Variants in RASL11A observed in about 807,000 individuals in gnomAD.
The protein encoded by RASL11A is RAS like family 11 member A.
RASL11A carries 14 observed loss-of-function variants against 17.1 expected under a neutral mutation model. The ratio of observed to expected loss-of-function variants is 0.82; its 90% CI spans 0.54 to 1.28. The LOEUF (loss-of-function observed/expected upper bound fraction) is 1.28, where lower values mean the gene tolerates loss of function less well. RASL11A is among the 50% of genes most tolerant of loss of function. RASL11A has a pLI of 0.00. For missense variants in RASL11A, 283 were observed against 312.3 expected (o/e 0.91, Z 0.71); for synonymous variants, 146 against 132.5 (o/e 1.10, Z -0.70).
chr13:27,273,566 T>C lies in RASL11A; in HGVS notation c.*72T>C. On this transcript the variant is annotated 3_prime_UTR_variant, in exon 4 of 4. Transcript: ENST00000241463. ...CTAAAAGACTGGGCTTCTCGCTTTT[T>C]AATCACACATTCAGAGTTTATTTTT... 1 of 1,127,416 alleles carries C rather than the reference T, an allele frequency of 8.9e-7. No homozygotes were observed. The highest frequency in any genetic ancestry group is 1.3e-6 in the Non-Finnish European group (1 of 787,642). The allele number at this position is 1,127,416 out of a possible 1,614,324, so 69.8% of individuals were successfully genotyped here.
rs781051894 is a variant in RASL11A, at chr13:27,273,364, A to G, written c.599A>G (p.His200Arg). The G allele has an allele frequency of 6.8e-6, 11 of 1,614,126 alleles. No homozygotes were observed. The East Asian group carries it at 2.4e-4, about 36-fold the overall frequency. The part of the protein sequence containing the change: ...QHLCKEVSKM[H>R]GLSGERRRAS... ...CTCTGCAAAGAAGTGAGCAAGATGCACGGCCTCAGTGGGGAAAGAAGAAGA... is the reference window on the plus strand; with the variant it reads ...CTCTGCAAAGAAGTGAGCAAGATGCGCGGCCTCAGTGGGGAAAGAAGAAGA... Residue 200 changes from histidine to arginine, a missense_variant, in exon 4 of 4, where the codon CAC (histidine) becomes CGC (arginine). Coordinates refer to ENST00000241463, the MANE Select transcript of RASL11A (RefSeq NM_206827.2).
At chr13:27,271,365 C>G in intron 1 of RASL11A, 119 bp from the exon 2 acceptor site, 2 of 1,546,230 alleles carry the variant, frequency 1.3e-6, no homozygotes, top group Non-Finnish European at 1.8e-6. Flanking sequence ...TTTGCGGAGC[C>G]TCTGGAAGCG....
chr13:27,273,135 A>G lies in RASL11A; in HGVS notation c.370A>G (p.Ile124Val), dbSNP rs201189276. 1.2e-5 allele frequency: 20 copies of G among 1,614,194 alleles called. No homozygotes were observed. The African/African-American group carries it at 2.3e-4, about 18-fold the overall frequency. ...SITDYDSYLS[I>V]RPLYQHIRKV... is the part of the protein sequence containing the mutation. ...CACAGACTATGACAGCTACTTGTCC[A>G]TCCGACCCCTTTATCAGCACATCCG... The change falls in exon 4 of 4, where the codon ATC becomes GTC. Residue 124 changes from isoleucine (I) to valine (V), a missense_variant. Physicochemically the swap from Ile to Val is conservative, Grantham distance 29. Transcript: ENST00000241463.
intron 2 of RASL11A, 37 bp from the exon 3 acceptor site, chr13:27,271,602 T>C (rs377649372): frequency 1.1e-5 from 17 of 1,613,696 alleles, no homozygotes; most frequent in Non-Finnish European, 1.4e-5. Context: ...GGATGGGAGT[T>C]TGAGAATTAA....
Position 27,275,135 on chromosome 13 carries a change from T to G in RASL11A, c.*1641T>G, listed in dbSNP as rs1882449653. Among the ~76,000 whole-genome samples, 1 of 152,224 alleles carries G rather than the reference T, an allele frequency of 6.6e-6. No individual in the cohort carries two copies. Among genetic ancestry groups the G allele is most frequent in the African/African-American group, 2.4e-5 (1 of 41,472 alleles). ...ATGAAGGGTTAAGAAAATTAGATGA[T>G]GCATGTCTAAAAGAGTGTCCAAATA... On this transcript the variant is annotated 3_prime_UTR_variant, in exon 4 of 4. Coordinates refer to ENST00000241463, the MANE Select transcript of RASL11A (RefSeq NM_206827.2).
intron 3 of RASL11A, among the ~76,000 whole-genome samples, chr13:27,272,658 AATAG>A (rs143920277): frequency 0.015 from 2,361 of 152,350 alleles, 63 homozygotes; most frequent in African/African-American, 0.053. Context: ...TGAGTTTGGG[AATAG>A]ATATTTATCT....
rs1457983179 is a variant in RASL11A, at chr13:27,274,967, T to C, written c.*1473T>C. The stretch of plus-strand genomic sequence containing the variant: ...GACAGGTGTTCTGAGTAATTAAAGA[T>C]AGCTGTGGTGGAAAGGGACTGACAT... On this transcript the variant is annotated 3_prime_UTR_variant, in exon 4 of 4. Transcript: ENST00000241463. Among the ~76,000 whole-genome samples the C allele has an allele frequency of 6.6e-6, 1 of 152,208 alleles. No individual in the cohort carries two copies. The highest frequency in any genetic ancestry group is 1.5e-5 in the Non-Finnish European group (1 of 68,032).
rs140104122 is a variant in RASL11A, at chr13:27,274,804, C to G, written c.*1310C>G. 1.5e-3 allele frequency among the ~76,000 whole-genome samples: 225 copies of G among 152,342 alleles called. 1 individual carries two copies. Among genetic ancestry groups the G allele is most frequent in the African/African-American group, 5.2e-3 (217 of 41,578 alleles). On this transcript the variant is annotated 3_prime_UTR_variant, in exon 4 of 4. Transcript: ENST00000241463. ...TTTTATGATCCTGTCTTCCAATCTTCTAGTTCAGTGCTTCCCCATAGAGTG... is the reference window on the plus strand; with the variant it reads ...TTTTATGATCCTGTCTTCCAATCTTGTAGTTCAGTGCTTCCCCATAGAGTG...
intron 3 of RASL11A, 45 bp from the exon 4 acceptor site, chr13:27,272,982 C>A: frequency 6.7e-7 from 1 of 1,501,212 alleles, no homozygotes; most frequent in Non-Finnish European, 9.3e-7. Context: ...GTTTATCTCC[C>A]ACTGAGGGTT....
rs1026023287 is a variant in RASL11A, at chr13:27,271,721, A to G, written c.261+3A>G. On this transcript the variant is annotated splice_donor_region_variant and intron_variant, in intron 3 of 3. Coordinates refer to ENST00000241463, the MANE Select transcript of RASL11A (RefSeq NM_206827.2). ...AGGATACTCCCGGGGGCGTCCAGGTAAGAACCGCCAGGGGCAAACAGCTCA... is the reference window on the plus strand; with the variant it reads ...AGGATACTCCCGGGGGCGTCCAGGTGAGAACCGCCAGGGGCAAACAGCTCA... 1.9e-6 allele frequency: 3 copies of G among 1,604,202 alleles called. No homozygotes were observed. Among genetic ancestry groups the G allele is most frequent in the Non-Finnish European group, 1.7e-6 (2 of 1,175,982 alleles).
chr13:27,271,719 G>A lies in RASL11A; in HGVS notation c.261+1G>A. The A allele has an allele frequency of 6.2e-7, 1 of 1,604,982 alleles. No individual in the cohort carries two copies. The highest frequency in any genetic ancestry group is 8.5e-7 in the Non-Finnish European group (1 of 1,176,222). On this transcript the variant is annotated splice_donor_variant, in intron 3 of 3. Transcript: ENST00000241463. LOFTEE classifies it high-confidence loss of function. ...CCAGGATACTCCCGGGGGCGTCCAG[G>A]TAAGAACCGCCAGGGGCAAACAGCT...
Position 27,271,531 on chromosome 13 carries a change from C to T in RASL11A, c.172C>T (p.Pro58Ser). ...CAAGAGATTCATTGGAGACTATGAA[C>T]CGAATACAGGTGAGAATACTTTCAC... Reference protein sequence around the residue: ...LTKRFIGDYEPNTGKLYSRLV... With the variant: ...LTKRFIGDYESNTGKLYSRLV... The change falls in exon 2 of 4, where the codon CCG becomes TCG. Residue 58 changes from proline (P) to serine (S), a missense_variant. Transcript: ENST00000241463. 1 of 1,614,132 alleles carries T rather than the reference C, an allele frequency of 6.2e-7. No homozygotes were observed. Among genetic ancestry groups the T allele is most frequent in the South Asian group, 1.1e-5 (1 of 91,088 alleles).
intron 3 of RASL11A, 98 bp downstream of exon 3, chr13:27,271,816 C>A: frequency 1.0e-6 from 1 of 987,222 alleles, no homozygotes; most frequent in Non-Finnish European, 1.5e-6. Context: ...GGGGTCTGAG[C>A]AAGGCATCTA....
chr13:27,274,896 T>C lies in RASL11A; in HGVS notation c.*1402T>C, dbSNP rs1000482418. ...CACCACTTATGGTGCCAAGGGTCAATGATGGGAGATTACCATGAAACAAAT... is the reference window on the plus strand; with the variant it reads ...CACCACTTATGGTGCCAAGGGTCAACGATGGGAGATTACCATGAAACAAAT... On this transcript the variant is annotated 3_prime_UTR_variant, in exon 4 of 4. Coordinates refer to ENST00000241463, the MANE Select transcript of RASL11A (RefSeq NM_206827.2). Among the ~76,000 whole-genome samples, 1 of 152,216 alleles carries C rather than the reference T, an allele frequency of 6.6e-6. No homozygotes were observed. The highest frequency in any genetic ancestry group is 1.5e-5 in the Non-Finnish European group (1 of 68,040).
chr13:27,273,337 A>G lies in RASL11A; in HGVS notation c.572A>G (p.His191Arg), dbSNP rs1336613671. Reference sequence around the variant, plus strand: ...GAAGATGTCTGTGATGTGTTTCAGCATCTCTGCAAAGAAGTGAGCAAGATG... The same window carrying G: ...GAAGATGTCTGTGATGTGTTTCAGCGTCTCTGCAAAGAAGTGAGCAAGATG... ...NYEDVCDVFQ[H>R]LCKEVSKMHG... The change falls in exon 4 of 4, where the codon CAT becomes CGT. Residue 191 changes from histidine to arginine, a missense_variant. By Grantham distance (29) the His-to-Arg change is conservative. Coordinates refer to ENST00000241463, the MANE Select transcript of RASL11A (RefSeq NM_206827.2). The G allele has an allele frequency of 2.5e-6, 4 of 1,614,232 alleles. No individual in the cohort carries two copies. The highest frequency in any genetic ancestry group is 2.2e-5 in the South Asian group (2 of 91,088).
At chr13:27,271,224 G>C (rs891391014) in intron 1 of RASL11A, 156 bp downstream of exon 1, 1 of 1,449,342 alleles carries the variant, frequency 6.9e-7, no homozygotes, top group Non-Finnish European at 9.0e-7. Context: ...GGTCCGTCCC[G>C]GCCTGCTTCC....
rs1329542007 is a variant in RASL11A, at chr13:27,274,922, T to C, written c.*1428T>C. 6.6e-6 allele frequency among the ~76,000 whole-genome samples: 1 copy of C among 152,200 alleles called. No homozygotes were observed. Among genetic ancestry groups the C allele is most frequent in the Non-Finnish European group, 1.5e-5 (1 of 68,038 alleles). On this transcript the variant is annotated 3_prime_UTR_variant, in exon 4 of 4. Transcript: ENST00000241463. ...GATGGGAGATTACCATGAAACAAATTGTTACTTCTGCAGGGCAAGGACAGG... is the reference window on the plus strand; with the variant it reads ...GATGGGAGATTACCATGAAACAAATCGTTACTTCTGCAGGGCAAGGACAGG...
At chr13:27,271,331 C>A in intron 1 of RASL11A, 153 bp from the exon 2 acceptor site, 1 of 1,483,290 alleles carries the variant, frequency 6.7e-7, no homozygotes, top group South Asian at 1.3e-5. Context: ...GTCGTACTCG[C>A]GGCCAAGCCC....
At chr13:27,272,659 A>G (rs1882331225) in intron 3 of RASL11A, among the ~76,000 whole-genome samples, 1 of 147,622 alleles carries the variant, frequency 6.8e-6, no homozygotes, top group African/African-American at 2.7e-5. Flanking sequence ...GAGTTTGGGA[A>G]TAGATATTTA....
Sources: gnomAD v4.1 joint callset for allele counts (sites outside exome capture counted in the v4.1 genomes callset) on GRCh38, gnomAD v4.1.1 for gene constraint, MANE v1.5 for transcripts, NCBI Gene and HGNC (gene_info 2026-07-23, HGNC 2026-07-21) for gene names.